The following GALNT13 variants were observed in gnomAD, a reference collection of about 807,000 sequenced individuals.
The protein encoded by GALNT13 is UDP-GalNAc:polypeptide N-acetylgalactosaminyltransferase 13.
GALNT13 carries 28 observed loss-of-function variants against 64.2 expected under a neutral mutation model. The ratio of observed to expected loss-of-function variants is 0.44; its 90% confidence interval spans 0.32 to 0.60. The LOEUF (loss-of-function observed/expected upper bound fraction) is 0.60. Among genes scored for constraint, GALNT13 ranks in the 20% least tolerant of loss-of-function variants. The pLI is 0.05. For missense variants in GALNT13, 577 were observed against 669.8 expected (o/e 0.86, Z 1.53); for synonymous variants, 214 against 224.6 (o/e 0.95, Z 0.42).
chr2:154,400,421 T>G (rs1055293520), intron 10 of GALNT13, among the ~76,000 whole-genome samples: 1 of 152,170 alleles, frequency 6.6e-6, no homozygotes, highest in African/African-American at 2.4e-5. Context: ...AAACTCTATT[T>G]GATATTGCTG....
the GALNT13 span, among the ~76,000 whole-genome samples, chr2:153,365,558 A>G: frequency 2.0e-5 from 3 of 152,116 alleles, no homozygotes; most frequent in Non-Finnish European, 2.9e-5. Context: ...AAAAAAACAA[A>G]TGGCCCCATC....
chr2:153,497,151 G>C, the GALNT13 span, among the ~76,000 whole-genome samples: 3 of 152,130 alleles, frequency 2.0e-5, no homozygotes, highest in African/African-American at 7.2e-5. Context: ...CTTTTTAATA[G>C]CCAAAATTTT....
At chr2:154,094,965 A>G (rs2105448393) in intron 3 of GALNT13, among the ~76,000 whole-genome samples, 1 of 152,088 alleles carries the variant, frequency 6.6e-6, no homozygotes, top group South Asian at 2.1e-4. Flanking sequence ...TTAAGTTCCC[A>G]ATACCTATAT....
chr2:153,816,675 C>T, the GALNT13 span, among the ~76,000 whole-genome samples: 3 of 152,060 alleles, frequency 2.0e-5, no homozygotes, highest in East Asian at 5.8e-4. Flanking sequence ...TTAATTATCA[C>T]ATCAGATTAC....
the GALNT13 span, among the ~76,000 whole-genome samples, chr2:153,111,923 A>G: frequency 6.6e-6 from 1 of 152,116 alleles, no homozygotes; most frequent in African/African-American, 2.4e-5. Context: ...CTTATGGCTT[A>G]TTACCTTAAT....
intron 11 of GALNT13, among the ~76,000 whole-genome samples, chr2:154,432,101 T>A (rs1700737888): frequency 6.6e-6 from 1 of 152,194 alleles, no homozygotes; most frequent in African/African-American, 2.4e-5. Context: ...ACTCATTTGA[T>A]TACAATATAA....
intron 3 of GALNT13, among the ~76,000 whole-genome samples, chr2:154,118,926 AGTT>A (rs1681768316): frequency 6.6e-6 from 1 of 152,048 alleles, no homozygotes; most frequent in South Asian, 2.1e-4. Flanking sequence ...TTTTCGCTAT[AGTT>A]GTTGTTTTGC....
At chr2:153,112,091 A>G in the GALNT13 span, among the ~76,000 whole-genome samples, 7 of 152,062 alleles carry the variant, frequency 4.6e-5, no homozygotes, top group Non-Finnish European at 8.8e-5. Flanking sequence ...CTTCTTCCCC[A>G]TTCCTATGTT....
the GALNT13 span, among the ~76,000 whole-genome samples, chr2:153,209,491 G>T: frequency 6.6e-6 from 1 of 152,114 alleles, no homozygotes; most frequent in African/African-American, 2.4e-5. Flanking sequence ...GTATGTGTGT[G>T]TTTCTGGATT....
At chr2:153,669,591 C>G in the GALNT13 span, among the ~76,000 whole-genome samples, 3 of 152,186 alleles carry the variant, frequency 2.0e-5, no homozygotes, top group African/African-American at 4.8e-5. Flanking sequence ...CAGCTCTGGT[C>G]TACAGCTCCC....
the GALNT13 span, among the ~76,000 whole-genome samples, chr2:153,776,962 C>T: frequency 5.3e-5 from 8 of 152,174 alleles, no homozygotes; most frequent in Non-Finnish European, 8.8e-5. Context: ...AAAAGTGGTT[C>T]TACCATTTCT....
chr2:153,727,122 G>A, the GALNT13 span, among the ~76,000 whole-genome samples: 1 of 152,030 alleles, frequency 6.6e-6, no homozygotes, highest in African/African-American at 2.4e-5. Context: ...TTCAGTTATT[G>A]GATGTAGACT....
At chr2:153,093,878 T>G in the GALNT13 span, among the ~76,000 whole-genome samples, 1 of 152,300 alleles carries the variant, frequency 6.6e-6, no homozygotes, top group Non-Finnish European at 1.5e-5. Flanking sequence ...TGTGCAGGTT[T>G]TGGATTTCTT....
chr2:153,499,641 G>A, the GALNT13 span, among the ~76,000 whole-genome samples: 1 of 152,206 alleles, frequency 6.6e-6, no homozygotes, highest in Admixed American at 6.5e-5. Flanking sequence ...CCTCCCTCCT[G>A]TGCTCATCGC....
At chr2:153,594,930 G>A in the GALNT13 span, among the ~76,000 whole-genome samples, 35 of 152,098 alleles carry the variant, frequency 2.3e-4, no homozygotes, top group South Asian at 4.2e-4. Context: ...ACAAATTTCA[G>A]CCAACCAATA....
chr2:154,369,750 CAG>C (rs1697576081), intron 9 of GALNT13, among the ~76,000 whole-genome samples: 1 of 152,150 alleles, frequency 6.6e-6, no homozygotes, highest in Non-Finnish European at 1.5e-5. Flanking sequence ...GCTTAAACAA[CAG>C]AAATTAATTC....
At chr2:153,408,163 C>T in the GALNT13 span, among the ~76,000 whole-genome samples, 1 of 152,132 alleles carries the variant, frequency 6.6e-6, no homozygotes, top group Non-Finnish European at 1.5e-5. Flanking sequence ...GACAATGTTA[C>T]AGAAGCAGAG....
the GALNT13 span, among the ~76,000 whole-genome samples, chr2:153,175,337 G>A: frequency 6.6e-6 from 1 of 152,172 alleles, no homozygotes; most frequent in Non-Finnish European, 1.5e-5. Context: ...ATGTCGCAGA[G>A]TGGGAAGAGA....
chr2:154,128,291 G>A (rs1444580091), intron 3 of GALNT13, among the ~76,000 whole-genome samples: 1 of 151,928 alleles, frequency 6.6e-6, no homozygotes, highest in Non-Finnish European at 1.5e-5. Flanking sequence ...GAATTTTTTA[G>A]TTCCTAGAAT....
Sources: gnomAD v4.1 joint callset for allele counts (sites outside exome capture counted in the v4.1 genomes callset) on GRCh38, gnomAD v4.1.1 for gene constraint, MANE v1.5 for transcripts, NCBI Gene and HGNC (gene_info 2026-07-23, HGNC 2026-07-21) for gene names.